Variants in NRXN3 observed in about 807,000 individuals in gnomAD.
The protein encoded by NRXN3 is neurexin III.
NRXN3 carries 32 observed loss-of-function variants against 137.6 expected under a neutral mutation model. That is an observed-to-expected ratio of 0.23 (90% CI 0.18 to 0.31). The LOEUF is 0.31. NRXN3 is among the 10% of genes least tolerant of loss of function. NRXN3 has a pLI of 1.00. For missense variants in NRXN3, 1,574 were observed against 2,062.5 expected, an observed-to-expected ratio of 0.76 and a Z score of 4.59; for synonymous variants, 798 against 784.5, an observed-to-expected ratio of 1.02 and a Z score of -0.29.
At position 79,280,012 on chromosome 14, in the gene NRXN3, G is replaced by A. The variant is rs182607238; in HGVS notation, c.3263-187209G>A. The stretch of plus-strand genomic sequence containing the variant: ...CCCCTGACATGCGTGGCATGCCGGG[G>A]CTCCGTAGGAGGTTTGCTATACCTG... On this transcript the variant is annotated intron_variant, in intron 15 of 20. Coordinates refer to ENST00000335750, the MANE Select transcript of NRXN3 (RefSeq NM_001330195.2). The A allele has an allele frequency of 2.8e-5, 34 of 1,210,724 alleles. No individual in the cohort carries two copies. The African/African-American group carries it at 4.8e-4, about 17-fold the overall frequency. The allele number at this position is 1,210,724 out of a possible 1,614,324, so 75.0% of individuals were successfully genotyped here.
chr14:78,253,692 A>G (rs555759486), intron 2 of NRXN3, among the ~76,000 whole-genome samples: 1 of 152,116 alleles, frequency 6.6e-6, no homozygotes, highest in Non-Finnish European at 1.5e-5. Flanking sequence ...AAAGAAAAAA[A>G]CCAATCATGG....
At position 79,378,400 on chromosome 14, in the gene NRXN3, G is replaced by A. The variant is rs139987053; in HGVS notation, c.3263-88821G>A. The stretch of plus-strand genomic sequence containing the variant: ...GACCACCGTGGGATCCCTCCTACTG[G>A]GTGCCTGGTTAAAACTGAGTGTCAG... On this transcript the variant is annotated intron_variant, in intron 15 of 20. Transcript: ENST00000335750. 3.4e-4 allele frequency among the ~76,000 whole-genome samples: 52 copies of A among 152,224 alleles called. No individual in the cohort carries two copies. The East Asian group carries it at 8.1e-3, about 24-fold the overall frequency.
At chr14:78,829,693 T>A (rs1334518076) in intron 10 of NRXN3, among the ~76,000 whole-genome samples, 1 of 152,182 alleles carries the variant, frequency 6.6e-6, no homozygotes, top group South Asian at 2.1e-4. Context: ...TGAAGGTTTT[T>A]AAAATAAAAT....
At chr14:79,784,305 A>G (rs562750077) in intron 19 of NRXN3, among the ~76,000 whole-genome samples, 2 of 152,252 alleles carry the variant, frequency 1.3e-5, no homozygotes, top group East Asian at 3.9e-4. Flanking sequence ...AGAAATGCCA[A>G]TGTCTTTCCC....
At chr14:78,776,989 A>G (rs184526064) in intron 8 of NRXN3, among the ~76,000 whole-genome samples, 2 of 152,288 alleles carry the variant, frequency 1.3e-5, no homozygotes, top group Non-Finnish European at 1.5e-5. Flanking sequence ...TTTGAAAACC[A>G]CTGGTCTATT....
chr14:79,250,033 T>C (rs1160575833), intron 15 of NRXN3, among the ~76,000 whole-genome samples: 1 of 152,238 alleles, frequency 6.6e-6, no homozygotes, highest in Non-Finnish European at 1.5e-5. Flanking sequence ...GTCAAGTCAC[T>C]CATCTGTAAG....
chr14:79,132,870 G>C (rs953528762), intron 15 of NRXN3, among the ~76,000 whole-genome samples: 3 of 152,192 alleles, frequency 2.0e-5, no homozygotes, highest in Non-Finnish European at 4.4e-5. Context: ...CTAACCCCAC[G>C]AGGAGCTCTG....
intron 15 of NRXN3, among the ~76,000 whole-genome samples, chr14:79,452,342 G>A (rs769427192): frequency 2.0e-5 from 3 of 152,146 alleles, no homozygotes; most frequent in South Asian, 2.1e-4. Context: ...AGAGACTGGT[G>A]TGTCTGAATA....
chr14:79,166,114 G>T (rs938205528), intron 15 of NRXN3, among the ~76,000 whole-genome samples: 2 of 151,760 alleles, frequency 1.3e-5, no homozygotes, highest in African/African-American at 4.8e-5. Context: ...TTATTTTTTT[G>T]ATGAATATCA....
At chr14:79,427,457 CA>C (rs1183487336) in intron 15 of NRXN3, among the ~76,000 whole-genome samples, 1 of 151,964 alleles carries the variant, frequency 6.6e-6, no homozygotes, top group African/African-American at 2.4e-5. Flanking sequence ...CACACACACA[CA>C]AACACACACA....
intron 10 of NRXN3, among the ~76,000 whole-genome samples, chr14:78,844,770 G>A (rs1312916544): frequency 6.6e-6 from 1 of 152,062 alleles, no homozygotes; most frequent in East Asian, 1.9e-4. Flanking sequence ...ATATTCTGGA[G>A]TGTGATGGTT....
intron 3 of NRXN3, among the ~76,000 whole-genome samples, chr14:78,284,256 A>G (rs1193940310): frequency 6.6e-6 from 1 of 152,210 alleles, no homozygotes; most frequent in Non-Finnish European, 1.5e-5. Flanking sequence ...CTAATCAGAA[A>G]CTCAAAAGAA....
chr14:79,591,621 T>A (rs538290507), intron 16 of NRXN3, among the ~76,000 whole-genome samples: 34 of 152,304 alleles, frequency 2.2e-4, no homozygotes, highest in African/African-American at 7.9e-4. Context: ...TTAAGAAAAC[T>A]GTAATTTTCA....
intron 4 of NRXN3, among the ~76,000 whole-genome samples, chr14:78,629,368 A>G (rs2097498940): frequency 6.6e-6 from 1 of 152,170 alleles, no homozygotes; most frequent in South Asian, 2.1e-4. Flanking sequence ...AAAGTGACAC[A>G]ATGTCATTGA....
intron 15 of NRXN3, among the ~76,000 whole-genome samples, chr14:79,292,759 A>G (rs2083410129): frequency 6.6e-6 from 1 of 152,232 alleles, no homozygotes; most frequent in African/African-American, 2.4e-5. Flanking sequence ...TTTCACATGT[A>G]GGTAAATGTG....
intron 19 of NRXN3, among the ~76,000 whole-genome samples, chr14:79,804,846 G>T (rs2099197336): frequency 1.3e-5 from 2 of 152,124 alleles, no homozygotes. Flanking sequence ...TTATGGGGAT[G>T]GGTGAGGCTT....
chr14:79,625,719 C>A (rs2098274449), intron 16 of NRXN3, among the ~76,000 whole-genome samples: 1 of 152,176 alleles, frequency 6.6e-6, no homozygotes, highest in Non-Finnish European at 1.5e-5. Context: ...CTTTTCTCCC[C>A]ATGTGGATCT....
intron 4 of NRXN3, among the ~76,000 whole-genome samples, chr14:78,444,650 T>A (rs1349577642): frequency 3.3e-5 from 5 of 152,078 alleles, no homozygotes; most frequent in Admixed American, 1.3e-4. Flanking sequence ...CCAGGCGCAG[T>A]GGCTCATGCC....
At chr14:79,146,787 G>A (rs546089435) in intron 15 of NRXN3, among the ~76,000 whole-genome samples, 45 of 152,270 alleles carry the variant, frequency 3.0e-4, no homozygotes, top group African/African-American at 9.4e-4. Context: ...GGGAGCTCTC[G>A]GAAGGAAAGG....
Sources: allele counts gnomAD v4.1 joint callset (sites outside exome capture counted in the v4.1 genomes callset), GRCh38; gene constraint gnomAD v4.1.1; transcripts MANE v1.5; gene names NCBI Gene and HGNC (gene_info 2026-07-23, HGNC 2026-07-21).